Variants in SYCP2 observed in about 807,000 individuals in gnomAD.
The protein encoded by SYCP2 is synaptonemal complex lateral element protein.
A neutral mutation model predicts 211.3 loss-of-function variants in SYCP2; 55 were observed. That is an observed-to-expected ratio of 0.26 (90% CI 0.21 to 0.33). The LOEUF is 0.33. Among genes scored for constraint, SYCP2 ranks in the 10% least tolerant of loss-of-function variants. The pLI, the probability that SYCP2 is intolerant of heterozygous loss-of-function variation, is 1.00. For missense variants in SYCP2, 1,731 were observed against 1,752.0 expected (o/e 0.99, Z 0.21); for synonymous variants, 570 against 555.2 (o/e 1.03, Z -0.37).
chr20:59,911,863 C>A lies in SYCP2; in HGVS notation c.877-18G>T. 1.5e-6 allele frequency: 2 copies of A among 1,321,196 alleles called. No homozygotes were observed. The highest frequency in any genetic ancestry group is 1.5e-5 in the African/African-American group (1 of 68,064). 81.8% of individuals were successfully genotyped at this position (1,321,196 alleles called of 1,614,324 possible). A position where few individuals can be genotyped will look rare whatever the true frequency, so the allele number is the denominator to read the frequency against. ...ATTTGCAGCTAATAAAATAAACATA[C>A]AAAACTGGAATATACAATGATTTTA... On this transcript the variant is annotated intron_variant, in intron 13 of 44. Transcript: ENST00000357552.
At chr20:59,917,385 A>G (rs2060462896) in intron 7 of SYCP2, among the ~76,000 whole-genome samples, 1 of 152,198 alleles carries the variant, frequency 6.6e-6, no homozygotes, top group Non-Finnish European at 1.5e-5. Context: ...CATAATGCAA[A>G]TTTTAAAAAT....
At chr20:59,916,669 G>A in intron 7 of SYCP2, 98 bp from the exon 8 acceptor site, 1 of 783,364 alleles carries the variant, frequency 1.3e-6, no homozygotes, top group Non-Finnish European at 2.2e-6. Flanking sequence ...GCCAGGCATG[G>A]TAACTCAGGC....
rs2060382349 is a variant in SYCP2 at position 59,913,961 on chromosome 20, T to TG, written c.830+13dup. On this transcript the variant is annotated intron_variant, in intron 12 of 44. Transcript: ENST00000357552. ...TATTTGACAGTAAATGGTTGTATCTTGCATTAAGTTTACCTTCTTTTGTCT... is the reference window on the plus strand; with the variant it reads ...TATTTGACAGTAAATGGTTGTATCTTGGCATTAAGTTTACCTTCTTTTGTCT... 1 of 1,584,998 alleles carries TG rather than the reference T, an allele frequency of 6.3e-7. No homozygotes were observed. The highest frequency in any genetic ancestry group is 1.2e-5 in the South Asian group (1 of 85,976).
chr20:59,900,639 A>G, intron 17 of SYCP2, 105 bp downstream of exon 17: 3 of 787,368 alleles, frequency 3.8e-6, no homozygotes, highest in Non-Finnish European at 6.2e-6. Flanking sequence ...TATTGAGACC[A>G]TTTGTTTTCT....
chr20:59,875,416 C>G lies in SYCP2; in HGVS notation c.3204G>C (p.Gln1068His). 2 of 1,612,750 alleles carry G rather than the reference C, an allele frequency of 1.2e-6. No homozygotes were observed. The highest frequency in any genetic ancestry group is 1.7e-6 in the Non-Finnish European group (2 of 1,179,352). The change falls in exon 34 of 45, where the codon CAG (glutamine) becomes CAC (histidine). Residue 1068 changes from glutamine (Q) to histidine (H), a missense_variant. Physicochemically the swap from Gln to His is conservative, Grantham distance 24 (BLOSUM62 0). Coordinates refer to ENST00000357552, the MANE Select transcript of SYCP2 (RefSeq NM_014258.4). ...TTTCTGTTTCAGCACAGAAGACTTTCTGTTGTTTCTTTGGTAGCTTTACCG... is the reference window on the plus strand; with the variant it reads ...TTTCTGTTTCAGCACAGAAGACTTTGTGTTGTTTCTTTGGTAGCTTTACCG... ...MKTVKLPKKQ[Q>H]KVFCAETEKE...
At chr20:59,929,066 G>A (rs1450364814) in intron 2 of SYCP2, among the ~76,000 whole-genome samples, 1 of 151,772 alleles carries the variant, frequency 6.6e-6, no homozygotes, top group Non-Finnish European at 1.5e-5. Flanking sequence ...ACAAATCAAG[G>A]AGGAAAAAAA....
Position 59,865,621 on chromosome 20 carries a change from T to C in SYCP2, c.4410A>G (p.Lys1470=). 1 of 1,602,090 alleles carries C rather than the reference T, an allele frequency of 6.2e-7. No homozygotes were observed. Among genetic ancestry groups the C allele is most frequent in the East Asian group, 2.2e-5 (1 of 44,610 alleles). The part of the protein sequence containing the change: ...RLHLLKTSLA[K]SVFCNTDSEE... ...CACTATCAGTATTACAGAAGACACTTTTAGCCAATGAAGTTTTCAAAAGAT... is the reference window on the plus strand; with the variant it reads ...CACTATCAGTATTACAGAAGACACTCTTAGCCAATGAAGTTTTCAAAAGAT... The change falls in exon 43 of 45, where the codon AAA becomes AAG. Residue 1470 remains lysine (K), a synonymous_variant. Transcript: ENST00000357552.
chr20:59,900,962 T>G, intron 16 of SYCP2, 144 bp from the exon 17 acceptor site: 1 of 645,914 alleles, frequency 1.5e-6, no homozygotes, highest in Non-Finnish European at 2.7e-6. Flanking sequence ...TTTGCATATA[T>G]GAATACCTTC....
chr20:59,924,334 ATGT>A (rs952142024), intron 2 of SYCP2, among the ~76,000 whole-genome samples: 1 of 151,950 alleles, frequency 6.6e-6, no homozygotes, highest in African/African-American at 2.4e-5. Context: ...TTGGGTCTTC[ATGT>A]TCTTATGAGG....
intron 35 of SYCP2, among the ~76,000 whole-genome samples, chr20:59,872,668 G>T (rs2059476639): frequency 6.6e-6 from 1 of 151,946 alleles, no homozygotes; most frequent in African/African-American, 2.4e-5. Context: ...AGAATAAGGG[G>T]TGATTACTGT....
intron 26 of SYCP2, among the ~76,000 whole-genome samples, chr20:59,884,386 CAAA>C: frequency 6.6e-6 from 1 of 150,928 alleles, no homozygotes; most frequent in South Asian, 2.1e-4. Flanking sequence ...GTAGTGAGGG[CAAA>C]AAAAGAAGTT....
Position 59,932,150 on chromosome 20 carries a change from T to C in SYCP2, c.-135A>G, listed in dbSNP as rs540420996. On this transcript the variant is annotated 5_prime_UTR_variant, in exon 2 of 45. Coordinates refer to ENST00000357552, the MANE Select transcript of SYCP2 (RefSeq NM_014258.4). ...CAGAGAACTAGTAAGATGATGATTG[T>C]GTATCTGCAGGCAGATAAAAGCGTT... is the stretch of plus-strand genomic sequence containing the variant. 1.3e-5 allele frequency: 2 copies of C among 152,236 alleles called. No homozygotes were observed. Among genetic ancestry groups the C allele is most frequent in the East Asian group, 1.9e-4 (1 of 5,174 alleles). 9.4% of individuals were successfully genotyped at this position (152,236 alleles called of 1,614,324 possible). A position where few individuals can be genotyped will look rare whatever the true frequency, so the allele number is the denominator to read the frequency against.
intron 24 of SYCP2, among the ~76,000 whole-genome samples, chr20:59,889,176 T>C (rs2059855889): frequency 6.6e-6 from 1 of 151,994 alleles, no homozygotes; most frequent in Non-Finnish European, 1.5e-5. Context: ...CACTACATAT[T>C]TGTCAAAACA....
chr20:59,919,200 ATATTT>A lies in SYCP2; in HGVS notation c.403-23_403-19del, dbSNP rs1272477830. On this transcript the variant is annotated intron_variant, in intron 6 of 44. Coordinates refer to ENST00000357552, the MANE Select transcript of SYCP2 (RefSeq NM_014258.4). ...TGTATGACCTGAAAAAAAGTGAATA[ATATTT>A]AATTTACAAGTTACTATATATTACA... is the stretch of plus-strand genomic sequence containing the variant. The A allele has an allele frequency of 2.5e-6, 3 of 1,180,946 alleles. No individual in the cohort carries two copies. The highest frequency in any genetic ancestry group is 3.7e-6 in the Non-Finnish European group (3 of 809,420). 73.2% of individuals were successfully genotyped at this position (1,180,946 alleles called of 1,614,324 possible). A position where few individuals can be genotyped will look rare whatever the true frequency, so the allele number is the denominator to read the frequency against.
chr20:59,865,832 C>T lies in SYCP2; in HGVS notation c.4354G>A (p.Ala1452Thr), dbSNP rs1183046688. Residue 1452 changes from alanine (A) to threonine (T), a missense_variant, in exon 42 of 45, where the codon GCA becomes ACA. Physicochemically the swap from Ala to Thr is moderately conservative, Grantham distance 58. Coordinates refer to ENST00000357552, the MANE Select transcript of SYCP2 (RefSeq NM_014258.4). ...CTCTGTTGTTCGCTTTTTTGATATG[C>T]ACTGAACTTCTGAAATATCTTTTCC... Reference protein sequence around the residue: ...FWEKIFQKFSAYQKSEQQRLH... With the variant: ...FWEKIFQKFSTYQKSEQQRLH... 4.9e-6 allele frequency: 7 copies of T among 1,441,128 alleles called. No homozygotes were observed. Among genetic ancestry groups the T allele is most frequent in the African/African-American group, 1.4e-5 (1 of 69,190 alleles). The allele number at this position is 1,441,128 out of a possible 1,614,324, so 89.3% of individuals were successfully genotyped here. A position where few individuals can be genotyped will look rare whatever the true frequency, so the allele number is the denominator to read the frequency against.
At chr20:59,926,557 T>G (rs892775278) in intron 2 of SYCP2, among the ~76,000 whole-genome samples, 5 of 152,108 alleles carry the variant, frequency 3.3e-5, no homozygotes, top group African/African-American at 1.2e-4. Flanking sequence ...ACTTAAATAA[T>G]AAGTTAATAA....
At chr20:59,910,958 G>C (rs2060311454) in intron 14 of SYCP2, among the ~76,000 whole-genome samples, 2 of 151,974 alleles carry the variant, frequency 1.3e-5, no homozygotes. Flanking sequence ...AGCAATAAAG[G>C]CATGTGGAAA....
chr20:59,873,837 A>AAT lies in SYCP2; in HGVS notation c.3555+17_3555+18dup. The AAT allele has an allele frequency of 6.4e-7, 1 of 1,571,730 alleles. No individual in the cohort carries two copies. The highest frequency in any genetic ancestry group is 8.6e-7 in the Non-Finnish European group (1 of 1,159,532). ...TTCAGATATATCTGATAAAGAGAAA[A>AAT]ATATATATACATTCTCACCAAAAAC... On this transcript the variant is annotated intron_variant, in intron 35 of 44. Coordinates refer to ENST00000357552, the MANE Select transcript of SYCP2 (RefSeq NM_014258.4).
chr20:59,897,943 C>G (rs1418721542), intron 18 of SYCP2, among the ~76,000 whole-genome samples: 1 of 151,810 alleles, frequency 6.6e-6, no homozygotes, highest in Non-Finnish European at 1.5e-5. Context: ...CAAACAAAAA[C>G]AAAAACAAAA....
Sources: gnomAD v4.1 joint callset for allele counts (sites outside exome capture counted in the v4.1 genomes callset) on GRCh38, gnomAD v4.1.1 for gene constraint, MANE v1.5 for transcripts, NCBI Gene and HGNC (gene_info 2026-07-23, HGNC 2026-07-21) for gene names.